The following CTNNA1 variants were observed in gnomAD, a reference collection of about 807,000 sequenced individuals.
CTNNA1 encodes catenin alpha 1.
A neutral mutation model predicts 98.4 loss-of-function variants in CTNNA1; 37 were observed. That is an observed-to-expected ratio of 0.38 (90% confidence interval 0.29 to 0.49). The LOEUF is 0.49. Ranked by LOEUF, CTNNA1 falls within the 20% of genes least tolerant of loss-of-function variation. The probability of loss-of-function intolerance (pLI) is 0.95; values close to 1 mark genes in which losing one functional copy is unlikely to be tolerated. For synonymous variants in CTNNA1, 404 were observed against 413.2 expected (o/e 0.98, Z 0.27); for missense variants, 761 against 1,147.2 (o/e 0.66, Z 4.86).
At chr5:138,868,798 C>G (rs892088064) in intron 7 of CTNNA1, 1 of 152,102 alleles carries the variant, frequency 6.6e-6, no homozygotes, top group African/African-American at 2.4e-5. Context: ...ACACATTTGA[C>G]ATTGTAGAGG....
chr5:138,910,906 G>A (rs536401785), intron 10 of CTNNA1, among the ~76,000 whole-genome samples: 4 of 152,266 alleles, frequency 2.6e-5, no homozygotes, highest in African/African-American at 7.2e-5. Flanking sequence ...ACCATTGAAG[G>A]GTTTTGAGTA....
intron 1 of CTNNA1, among the ~76,000 whole-genome samples, chr5:138,781,554 CAAAA>C (rs5871681): frequency 8.5e-5 from 11 of 130,116 alleles, no homozygotes; most frequent in Admixed American, 3.8e-4. Flanking sequence ...GACTCTGTCT[CAAAA>C]AAAAAAAAAA....
At chr5:138,835,031 G>A (rs1279761613) in intron 7 of CTNNA1, among the ~76,000 whole-genome samples, 1 of 152,140 alleles carries the variant, frequency 6.6e-6, no homozygotes, top group African/African-American at 2.4e-5. Flanking sequence ...TTAAGGGCAG[G>A]GGAGGATATT....
At chr5:138,914,465 C>T (rs1403196655) in intron 10 of CTNNA1, among the ~76,000 whole-genome samples, 2 of 152,178 alleles carry the variant, frequency 1.3e-5, no homozygotes, top group Non-Finnish European at 2.9e-5. Flanking sequence ...TCTCTTCTTC[C>T]AAATTATTGC....
chr5:138,933,481 C>T (rs953156788), intron 17 of CTNNA1, among the ~76,000 whole-genome samples: 7 of 152,236 alleles, frequency 4.6e-5, no homozygotes, highest in African/African-American at 4.8e-5. Context: ...TCCTCCCCCA[C>T]GTGCTTACAG....
intron 1 of CTNNA1, among the ~76,000 whole-genome samples, chr5:138,756,579 G>A (rs1045706294): frequency 1.3e-5 from 2 of 152,208 alleles, no homozygotes; most frequent in Non-Finnish European, 2.9e-5. Context: ...CTCTGCATTT[G>A]TAGAGGTCCT....
intron 13 of CTNNA1, 23 bp downstream of exon 13, chr5:138,925,430 T>C: frequency 6.2e-7 from 1 of 1,607,956 alleles, no homozygotes; most frequent in Non-Finnish European, 8.5e-7. Context: ...ATTTCAGACG[T>C]CTTAACAGCT....
chr5:138,868,282 G>A (rs917278532), intron 7 of CTNNA1, among the ~76,000 whole-genome samples: 1 of 152,178 alleles, frequency 6.6e-6, no homozygotes, highest in Non-Finnish European at 1.5e-5. Flanking sequence ...TGTGGAGCAG[G>A]GGGTTGGCAC....
intron 3 of CTNNA1, among the ~76,000 whole-genome samples, chr5:138,784,891 A>C (rs993771873): frequency 6.6e-6 from 1 of 152,062 alleles, no homozygotes; most frequent in Non-Finnish European, 1.5e-5. Context: ...TCTTATAAGG[A>C]CATCAACCAT....
At chr5:138,776,547 A>G (rs1307369185) in intron 1 of CTNNA1, among the ~76,000 whole-genome samples, 7 of 152,206 alleles carry the variant, frequency 4.6e-5, no homozygotes, top group East Asian at 1.9e-4. Context: ...CCCGTTCTCA[A>G]TGAGCTGCTG....
At chr5:138,891,655 G>A (rs370337856) in intron 9 of CTNNA1, among the ~76,000 whole-genome samples, 315 of 152,222 alleles carry the variant, frequency 2.1e-3, no homozygotes, top group African/African-American at 7.1e-3. Flanking sequence ...AGCTACTTGC[G>A]AGGCAAGGTA....
intron 7 of CTNNA1, among the ~76,000 whole-genome samples, chr5:138,858,327 A>G (rs1286393563): frequency 6.6e-6 from 1 of 151,452 alleles, no homozygotes; most frequent in Non-Finnish European, 1.5e-5. Flanking sequence ...GGGTCTTGCC[A>G]TGTTGCCCAG....
chr5:138,866,193 A>G (rs1221580641), intron 7 of CTNNA1, among the ~76,000 whole-genome samples: 2 of 152,104 alleles, frequency 1.3e-5, no homozygotes, highest in African/African-American at 4.8e-5. Flanking sequence ...GTCTGGAAAT[A>G]ATTAATTAAT....
intron 13 of CTNNA1, 85 bp downstream of exon 13, chr5:138,925,492 A>T: frequency 7.3e-6 from 11 of 1,510,798 alleles, no homozygotes; most frequent in Non-Finnish European, 9.8e-6. Context: ...AGAACTCGGC[A>T]GATGCGGTGG....
intron 1 of CTNNA1, among the ~76,000 whole-genome samples, chr5:138,777,565 A>T (rs1754483174): frequency 6.6e-6 from 1 of 151,842 alleles, no homozygotes; most frequent in African/African-American, 2.4e-5. Flanking sequence ...CAGCCTGGGC[A>T]CCATTGAGCA....
chr5:138,765,437 C>CT (rs1248215483), intron 1 of CTNNA1, among the ~76,000 whole-genome samples: 1 of 152,142 alleles, frequency 6.6e-6, no homozygotes, highest in Non-Finnish European at 1.5e-5. Context: ...CAGCCTCTTC[C>CT]TCCCAATGTG....
At chr5:138,813,771 A>C (rs1759100689) in intron 5 of CTNNA1, among the ~76,000 whole-genome samples, 1 of 152,084 alleles carries the variant, frequency 6.6e-6, no homozygotes, top group South Asian at 2.1e-4. Flanking sequence ...GGCACAGGAC[A>C]CCACACCCGG....
At chr5:138,867,747 C>CTTTT (rs67829407) in intron 7 of CTNNA1, among the ~76,000 whole-genome samples, 7 of 144,112 alleles carry the variant, frequency 4.9e-5, no homozygotes, top group Non-Finnish European at 6.1e-5. Context: ...TTCTTTCTTT[C>CTTTT]TTTTTTTTTT....
chr5:138,873,080 G>C lies in CTNNA1; in HGVS notation c.1063-13132G>C. 1 of 1,613,776 alleles carries C rather than the reference G, an allele frequency of 6.2e-7. No individual in the cohort carries two copies. Among genetic ancestry groups the C allele is most frequent in the South Asian group, 1.1e-5 (1 of 91,062 alleles). On this transcript the variant is annotated intron_variant, in intron 7 of 17. Transcript: ENST00000302763. The surrounding 1 kb of genome is among the most constrained non-coding windows in gnomAD (Gnocchi z 6.1). Reference sequence around the variant, plus strand: ...TCCATAACCATTAATGATGATGAAGGGTCCTTCATGGGTGGGTTCATATTC... The same window carrying C: ...TCCATAACCATTAATGATGATGAAGCGTCCTTCATGGGTGGGTTCATATTC...
Sources: gnomAD v4.1 joint callset for allele counts (sites outside exome capture counted in the v4.1 genomes callset) on GRCh38, gnomAD v4.1.1 for gene constraint, Gnocchi (gnomAD v3.1) non-coding constraint, MANE v1.5 for transcripts, NCBI Gene and HGNC (gene_info 2026-07-23, HGNC 2026-07-21) for gene names.